PCDH9: variants seen among roughly 807,000 people sequenced by gnomAD.
The protein encoded by PCDH9 is protocadherin-9.
A neutral mutation model predicts 70.6 loss-of-function variants in PCDH9; 24 were observed. The observed-to-expected ratio is 0.34, with a 90% confidence interval of 0.25 to 0.48. The LOEUF is 0.48. Among genes scored for constraint, PCDH9 ranks in the 20% least tolerant of loss-of-function variants. The probability of loss-of-function intolerance (pLI) is 0.99; values close to 1 mark genes in which losing one functional copy is unlikely to be tolerated. For synonymous variants in PCDH9, 562 were observed against 558.5 expected (o/e 1.01, Z -0.09); for missense variants, 1,281 against 1,503.6 (o/e 0.85, Z 2.45).
chr13:66,547,794 T>A (rs1961272863), intron 4 of PCDH9, among the ~76,000 whole-genome samples: 1 of 150,546 alleles, frequency 6.6e-6, no homozygotes, highest in Non-Finnish European at 1.5e-5. Flanking sequence ...ATGCGCATTT[T>A]TAAATAATCT....
intron 3 of PCDH9, among the ~76,000 whole-genome samples, chr13:66,873,646 C>A (rs1232661566): frequency 6.6e-6 from 1 of 152,060 alleles, no homozygotes; most frequent in Non-Finnish European, 1.5e-5. Context: ...TTGAAGGACA[C>A]ATAGACAAAA....
intron 4 of PCDH9, among the ~76,000 whole-genome samples, chr13:66,404,139 C>A (rs1269107852): frequency 6.6e-6 from 1 of 152,138 alleles, no homozygotes; most frequent in East Asian, 1.9e-4. Flanking sequence ...AAATTTAAGA[C>A]TTGCCTTGAA....
chr13:67,072,405 AC>A, intron 2 of PCDH9, among the ~76,000 whole-genome samples: 1 of 152,246 alleles, frequency 6.6e-6, no homozygotes, highest in Non-Finnish European at 1.5e-5. Context: ...ATTAGATCGT[AC>A]CCTCTTGACT....
At chr13:66,884,587 A>T (rs1208188605) in intron 3 of PCDH9, among the ~76,000 whole-genome samples, 2 of 152,168 alleles carry the variant, frequency 1.3e-5, no homozygotes, top group African/African-American at 4.8e-5. Flanking sequence ...CCAAAGCAAG[A>T]CTGGCTTTCC....
intron 4 of PCDH9, among the ~76,000 whole-genome samples, chr13:66,503,043 A>C (rs1287549940): frequency 2.6e-5 from 4 of 152,212 alleles, no homozygotes; most frequent in African/African-American, 9.6e-5. Context: ...TCTGCTGAGC[A>C]GTCCAGGATG....
chr13:66,379,197 C>G (rs1956799260), intron 4 of PCDH9, among the ~76,000 whole-genome samples: 1 of 152,178 alleles, frequency 6.6e-6, no homozygotes, highest in African/African-American at 2.4e-5. Flanking sequence ...TCTCTCCGGC[C>G]ATCTGTCCTA....
intron 2 of PCDH9, chr13:66,978,486 G>A (rs991864958): frequency 1.3e-5 from 2 of 151,802 alleles, no homozygotes; most frequent in African/African-American, 4.8e-5. Context: ...CTATTGTGCA[G>A]ATATATGTGA....
chr13:66,639,585 T>C (rs1431216693), intron 3 of PCDH9, among the ~76,000 whole-genome samples: 2 of 152,308 alleles, frequency 1.3e-5, no homozygotes, highest in African/African-American at 2.4e-5. Context: ...ATACTCCTTT[T>C]GGGTGTAGTC....
intron 2 of PCDH9, among the ~76,000 whole-genome samples, chr13:67,151,955 A>G (rs2087673382): frequency 6.6e-6 from 1 of 152,020 alleles, no homozygotes; most frequent in Non-Finnish European, 1.5e-5. Context: ...ACAAGACTAT[A>G]TGAATGAACT....
intron 2 of PCDH9, among the ~76,000 whole-genome samples, chr13:67,086,977 A>C (rs955119064): frequency 5.9e-5 from 9 of 151,800 alleles, no homozygotes; most frequent in Non-Finnish European, 1.0e-4. Flanking sequence ...TAAAACTTTA[A>C]TCCTCAGTGT....
At chr13:66,580,016 A>C (rs1368357589) in intron 4 of PCDH9, among the ~76,000 whole-genome samples, 1 of 152,056 alleles carries the variant, frequency 6.6e-6, no homozygotes, top group Non-Finnish European at 1.5e-5. Flanking sequence ...TCTTTTATAT[A>C]TGTCTTTGAT....
chr13:67,199,553 A>C (rs766095691), intron 2 of PCDH9, among the ~76,000 whole-genome samples: 1 of 152,058 alleles, frequency 6.6e-6, no homozygotes, highest in African/African-American at 2.4e-5. Flanking sequence ...CTACTTGTAA[A>C]TAAACATGTG....
intron 2 of PCDH9, among the ~76,000 whole-genome samples, chr13:67,174,980 AAAAAAAT>A (rs1320031146): frequency 6.7e-6 from 1 of 149,182 alleles, no homozygotes; most frequent in Non-Finnish European, 1.5e-5. Context: ...AAAAAAAAAA[AAAAAAAT>A]TAGCCCAGAG....
intron 4 of PCDH9, among the ~76,000 whole-genome samples, chr13:66,428,203 C>T (rs1481833257): frequency 6.6e-6 from 1 of 151,536 alleles, no homozygotes; most frequent in Non-Finnish European, 1.5e-5. Flanking sequence ...TTTTAAACAC[C>T]TGACTTAGTT....
chr13:67,218,398 G>A (rs988608775), intron 2 of PCDH9: 4 of 152,084 alleles, frequency 2.6e-5, no homozygotes, highest in East Asian at 1.9e-4. Context: ...GCAAATATCA[G>A]CTCAATGACA....
In PCDH9 at chr13:67,229,842, A is replaced by C. The variant is rs2089968228; in HGVS notation, c.-198T>G. ...GCAGTTAGGAATGATTTGTTCCAAC[A>C]CATAGAAAGCCATGCATCTGGTAGC... On this transcript the variant is annotated 5_prime_UTR_variant, in exon 1 of 5. Coordinates refer to ENST00000377865, the MANE Select transcript of PCDH9 (RefSeq NM_203487.3). 1 of 152,258 alleles carries C rather than the reference A, an allele frequency of 6.6e-6. No individual in the cohort carries two copies. Among genetic ancestry groups the C allele is most frequent in the South Asian group, 2.1e-4 (1 of 4,832 alleles). 9.4% of individuals were successfully genotyped at this position (152,258 alleles called of 1,614,324 possible).
chr13:66,606,108 G>C lies in PCDH9; in HGVS notation c.3340+25102C>G, dbSNP rs1436965662. 2.0e-5 allele frequency among the ~76,000 whole-genome samples: 3 copies of C among 151,244 alleles called. No individual in the cohort carries two copies. In the East Asian group the frequency reaches 5.8e-4, roughly 29 times the overall value. On this transcript the variant is annotated intron_variant, in intron 4 of 4. Transcript: ENST00000377865. ...AGGATTAAAGTTTGTAGGGTAGAAG[G>C]CTCTCATCTACTCACTTATTTTTTT... is the stretch of plus-strand genomic sequence containing the variant.
At chr13:66,379,125 G>A (rs1013360357) in intron 4 of PCDH9, among the ~76,000 whole-genome samples, 1 of 152,206 alleles carries the variant, frequency 6.6e-6, no homozygotes, top group Non-Finnish European at 1.5e-5. Flanking sequence ...AAGGGCAGAA[G>A]AGTCATATGC....
In PCDH9 at chr13:66,304,472, T is replaced by C. The variant is rs568802822; in HGVS notation, c.*183A>G. On this transcript the variant is annotated 3_prime_UTR_variant, in exon 5 of 5. Coordinates refer to ENST00000377865, the MANE Select transcript of PCDH9 (RefSeq NM_203487.3). Reference sequence around the variant, plus strand: ...ATCAATTCTAGTAAACAAAATTGCATGGCTAGAACTATCTTCTCTCATATG... The same window carrying C: ...ATCAATTCTAGTAAACAAAATTGCACGGCTAGAACTATCTTCTCTCATATG... 3 of 560,132 alleles carry C rather than the reference T, an allele frequency of 5.4e-6. No homozygotes were observed. In the South Asian group the frequency reaches 8.1e-5, roughly 15 times the overall value. 34.7% of individuals were successfully genotyped at this position (560,132 alleles called of 1,614,324 possible).
Sources: gnomAD v4.1 joint callset for allele counts (sites outside exome capture counted in the v4.1 genomes callset) on GRCh38, gnomAD v4.1.1 for gene constraint, MANE v1.5 for transcripts, NCBI Gene and HGNC (gene_info 2026-07-23, HGNC 2026-07-21) for gene names.